MAGI3: variants seen among roughly 807,000 people sequenced by gnomAD.
MAGI3 encodes the protein membrane associated guanylate kinase, WW and PDZ domain containing 3.
MAGI3 carries 43 observed loss-of-function variants against 121.8 expected under a neutral mutation model. That is an observed-to-expected ratio of 0.35 (90% CI 0.28 to 0.46). MAGI3 has a LOEUF of 0.46. MAGI3 is among the 20% of genes least tolerant of loss of function. MAGI3 has a pLI of 1.00. For missense variants in MAGI3, 1,547 were observed against 1,797.3 expected (o/e 0.86, Z 2.52); for synonymous variants, 553 against 639.3 (o/e 0.86, Z 2.04).
chr1:113,471,259 G>T (rs1404671688), intron 1 of MAGI3, among the ~76,000 whole-genome samples: 1 of 152,158 alleles, frequency 6.6e-6, no homozygotes, highest in African/African-American at 2.4e-5. Flanking sequence ...CAAGAAGATT[G>T]AAATCATATC....
chr1:113,490,754 C>A (rs1656631189), intron 1 of MAGI3, among the ~76,000 whole-genome samples: 1 of 152,020 alleles, frequency 6.6e-6, no homozygotes, highest in Admixed American at 6.6e-5. Context: ...GACTTTAAAC[C>A]AACAAAGATC....
intron 1 of MAGI3, among the ~76,000 whole-genome samples, chr1:113,464,578 T>G (rs913331250): frequency 2.0e-5 from 3 of 152,134 alleles, no homozygotes; most frequent in Non-Finnish European, 4.4e-5. Context: ...TTCTATACTA[T>G]TCTGTGTAGT....
At chr1:113,531,374 A>AT (rs1221840904) in intron 1 of MAGI3, among the ~76,000 whole-genome samples, 2 of 152,104 alleles carry the variant, frequency 1.3e-5, no homozygotes, top group African/African-American at 2.4e-5. Context: ...GTTAGGTTTA[A>AT]TTTTTAAGTT....
chr1:113,459,322 T>C (rs193024841), intron 1 of MAGI3, among the ~76,000 whole-genome samples: 5 of 152,362 alleles, frequency 3.3e-5, no homozygotes, highest in Admixed American at 3.3e-4. Flanking sequence ...TTTATATAGA[T>C]ACTTATCATC....
chr1:113,470,572 A>G (rs1292911704), intron 1 of MAGI3, among the ~76,000 whole-genome samples: 1 of 152,228 alleles, frequency 6.6e-6, no homozygotes, highest in South Asian at 2.1e-4. Context: ...CTACTCACTT[A>G]GCAAATTTTA....
At chr1:113,539,628 G>A (rs985827885) in intron 1 of MAGI3, among the ~76,000 whole-genome samples, 8 of 151,842 alleles carry the variant, frequency 5.3e-5, no homozygotes, top group African/African-American at 1.7e-4. Context: ...GTGCCATGCC[G>A]GTGCGCTGCA....
At chr1:113,587,903 A>C (rs570139815) in intron 4 of MAGI3, among the ~76,000 whole-genome samples, 24 of 152,318 alleles carry the variant, frequency 1.6e-4, no homozygotes, top group African/African-American at 5.3e-4. Context: ...TTTTTTCTGC[A>C]TACAAAATAA....
At chr1:113,592,901 A>C (rs1489370276) in intron 5 of MAGI3, among the ~76,000 whole-genome samples, 2 of 151,944 alleles carry the variant, frequency 1.3e-5, no homozygotes, top group Non-Finnish European at 2.9e-5. Context: ...AGTCCCAGCT[A>C]CTCGGGAGGC....
intron 20 of MAGI3, chr1:113,682,160 A>T (rs1571046623): frequency 1.7e-5 from 24 of 1,404,294 alleles, no homozygotes; most frequent in South Asian, 8.7e-5. Context: ...AACTGCACTG[A>T]TTTTTTTTTT....
intron 1 of MAGI3, among the ~76,000 whole-genome samples, chr1:113,461,017 G>T (rs1441034281): frequency 6.6e-6 from 1 of 152,056 alleles, no homozygotes; most frequent in East Asian, 1.9e-4. Context: ...TGGGACTACA[G>T]CTAGCCAGGG....
intron 1 of MAGI3, among the ~76,000 whole-genome samples, chr1:113,456,055 A>AT (rs1394314985): frequency 2.0e-5 from 3 of 148,768 alleles, no homozygotes; most frequent in Middle Eastern, 3.2e-3. Flanking sequence ...GGTTCACGCC[A>AT]TTCTCCTGCC....
intron 1 of MAGI3, among the ~76,000 whole-genome samples, chr1:113,471,051 C>G (rs1227900929): frequency 6.6e-6 from 1 of 152,176 alleles, no homozygotes; most frequent in African/African-American, 2.4e-5. Context: ...ACAGGTCTTA[C>G]ATTTACGTCT....
At chr1:113,576,354 A>G (rs1235866718) in intron 2 of MAGI3, among the ~76,000 whole-genome samples, 2 of 152,158 alleles carry the variant, frequency 1.3e-5, no homozygotes, top group Non-Finnish European at 2.9e-5. Flanking sequence ...CTGTGGGAAA[A>G]GCATAGTATT....
At position 113,619,776 on chromosome 1, in the gene MAGI3, G is replaced by A. The variant is rs1292568883; in HGVS notation, c.1117G>A (p.Glu373Lys). Residue 373 changes from glutamate to lysine, a missense_variant, in exon 8 of 21, where the codon GAA (glutamate) becomes AAA (lysine). Transcript: ENST00000307546. ...QKTQFENPVE[E>K]AKRKKQLGQV... ...AACCCAGTTTGAAAATCCAGTGGAG[G>A]AAGCCAAAAGGAAAAAGCAGTTAGG... 1 of 1,613,334 alleles carries A rather than the reference G, an allele frequency of 6.2e-7. No individual in the cohort carries two copies. The highest frequency in any genetic ancestry group is 1.7e-5 in the Admixed American group (1 of 59,988).
intron 1 of MAGI3, among the ~76,000 whole-genome samples, chr1:113,526,652 G>C (rs1378944992): frequency 6.6e-6 from 1 of 152,182 alleles, no homozygotes; most frequent in African/African-American, 2.4e-5. Flanking sequence ...GTAGAAGTAT[G>C]ATATAAGCAG....
At chr1:113,681,095 G>T (rs777143336) in intron 19 of MAGI3, 103 bp from the exon 20 acceptor site, 10 of 1,387,472 alleles carry the variant, frequency 7.2e-6, no homozygotes, top group African/African-American at 1.4e-5. Context: ...TTTTACAAAC[G>T]AAAGAATCAC....
intron 6 of MAGI3, among the ~76,000 whole-genome samples, chr1:113,611,088 CT>C (rs139111390): frequency 2.7e-3 from 365 of 137,144 alleles, no homozygotes; most frequent in South Asian, 4.1e-3. Flanking sequence ...CATAATTATT[CT>C]TTTTTTTTTT....
At chr1:113,494,684 T>C (rs551257048) in intron 1 of MAGI3, among the ~76,000 whole-genome samples, 1 of 152,306 alleles carries the variant, frequency 6.6e-6, no homozygotes, top group East Asian at 1.9e-4. Context: ...TCATAAGTGT[T>C]GTTTACATAT....
chr1:113,445,968 C>T (rs1161309199), intron 1 of MAGI3, among the ~76,000 whole-genome samples: 2 of 152,096 alleles, frequency 1.3e-5, no homozygotes, highest in Admixed American at 6.5e-5. Context: ...ATAAAGATCT[C>T]AATAAAGGTA....
Sources: gnomAD v4.1 joint callset for allele counts (sites outside exome capture counted in the v4.1 genomes callset) on GRCh38, gnomAD v4.1.1 for gene constraint, MANE v1.5 for transcripts, NCBI Gene and HGNC (gene_info 2026-07-23, HGNC 2026-07-21) for gene names.